SGTB: variants seen among roughly 807,000 people sequenced by gnomAD.
The protein encoded by SGTB is small glutamine rich tetratricopeptide repeat co-chaperone beta.
A neutral mutation model predicts 43.9 loss-of-function variants in SGTB; 19 were observed. The ratio of observed to expected loss-of-function variants is 0.43; its 90% CI spans 0.30 to 0.63. The LOEUF is 0.63. SGTB is among the 30% of genes least tolerant of loss of function. The pLI, the probability that SGTB is intolerant of heterozygous loss-of-function variation, is 0.12. For missense variants in SGTB, 304 were observed against 358.9 expected, an observed-to-expected ratio of 0.85 and a Z score of 1.24; for synonymous variants, 116 against 117.3, an observed-to-expected ratio of 0.99 and a Z score of 0.07.
chr5:65,689,831 G>A (rs1757571605), intron 5 of SGTB, among the ~76,000 whole-genome samples: 1 of 151,868 alleles, frequency 6.6e-6, no homozygotes, highest in Middle Eastern at 3.2e-3. Context: ...GCATGACTGA[G>A]GCCCTTACTT....
chr5:65,707,651 T>A (rs1757961231), intron 4 of SGTB, among the ~76,000 whole-genome samples: 1 of 152,076 alleles, frequency 6.6e-6, no homozygotes, highest in Admixed American at 6.6e-5. Context: ...GCCAGGATGG[T>A]CTTGATCTCC....
intron 9 of SGTB, 24 bp downstream of exon 9, chr5:65,672,220 A>G: frequency 1.2e-6 from 2 of 1,613,816 alleles, no homozygotes; most frequent in South Asian, 1.1e-5. Context: ...GGGGAAGTGT[A>G]ATAAGCTCTT....
chr5:65,683,547 C>CATTGTTT (rs2150707797), intron 6 of SGTB, among the ~76,000 whole-genome samples: 1 of 152,176 alleles, frequency 6.6e-6, no homozygotes, highest in Admixed American at 6.5e-5. Flanking sequence ...TAAAATACAG[C>CATTGTTT]ATTGTTTAGA....
intron 2 of SGTB, among the ~76,000 whole-genome samples, chr5:65,714,507 G>T (rs1053594370): frequency 7.9e-5 from 12 of 152,130 alleles, no homozygotes; most frequent in African/African-American, 2.2e-4. Context: ...CATGGTGAGG[G>T]ATTATGTTTG....
At chr5:65,687,829 C>T (rs989418634) in intron 5 of SGTB, among the ~76,000 whole-genome samples, 2 of 152,096 alleles carry the variant, frequency 1.3e-5, no homozygotes, top group African/African-American at 4.8e-5. Flanking sequence ...ACTGCAGTGG[C>T]GCGATCTCGG....
chr5:65,680,725 G>A lies in SGTB; in HGVS notation c.549C>T (p.Asp183=), dbSNP rs770081478. Residue 183 remains aspartate, a synonymous_variant, in exon 7 of 11, where the codon GAC becomes GAT. Transcript: ENST00000381007. The part of the protein sequence containing the change: ...VTSYQKALDL[D]PENDSYKSNL... Reference sequence around the variant, plus strand: ...TTGACTTATAGGAATCATTTTCAGGGTCAAGATCTAATGCCTTTTGATAAC... The same window carrying A: ...TTGACTTATAGGAATCATTTTCAGGATCAAGATCTAATGCCTTTTGATAAC... 3 of 1,614,002 alleles carry A rather than the reference G, an allele frequency of 1.9e-6. No individual in the cohort carries two copies. The highest frequency in any genetic ancestry group is 1.7e-6 in the Non-Finnish European group (2 of 1,179,968).
intron 3 of SGTB, among the ~76,000 whole-genome samples, chr5:65,712,677 C>T (rs1389472898): frequency 6.6e-6 from 1 of 151,300 alleles, no homozygotes; most frequent in East Asian, 1.9e-4. Flanking sequence ...AAATGACATT[C>T]AAGAAAAAAA....
At chr5:65,715,082 G>A (rs1758123931) in intron 2 of SGTB, among the ~76,000 whole-genome samples, 1 of 152,186 alleles carries the variant, frequency 6.6e-6, no homozygotes, top group Non-Finnish European at 1.5e-5. Flanking sequence ...ACTCAGGCCT[G>A]TCTCGTTATC....
upstream of SGTB, chr5:65,723,000 G>A (rs1350962678): frequency 1.3e-5 from 2 of 152,438 alleles, no homozygotes; most frequent in Non-Finnish European, 2.9e-5. Context: ...CTTGGACACG[G>A]CTTTGGGCAG....
rs540203555 is a variant in SGTB, at chr5:65,666,859, C to G, written c.*3387G>C. 6.6e-6 allele frequency: 1 copy of G among 152,246 alleles called. No homozygotes were observed. Among genetic ancestry groups the G allele is most frequent in the South Asian group, 2.1e-4 (1 of 4,822 alleles). The allele number at this position is 152,246 out of a possible 1,614,324, so 9.4% of individuals were successfully genotyped here. A position where few individuals can be genotyped will look rare whatever the true frequency, so the allele number is the denominator to read the frequency against. The stretch of plus-strand genomic sequence containing the variant: ...GCTAATTTAACTACAGATGTTAGCA[C>G]ATGAAGACATTGTTTTAAAGTTTTT... On this transcript the variant is annotated 3_prime_UTR_variant, in exon 11 of 11. Transcript: ENST00000381007.
chr5:65,704,433 A>C, intron 4 of SGTB, 55 bp from the exon 5 acceptor site: 1 of 1,247,076 alleles, frequency 8.0e-7, no homozygotes, highest in Non-Finnish European at 1.1e-6. Flanking sequence ...AAAAACATAC[A>C]CTCTTATAGA....
At chr5:65,708,758 G>A (rs1757984750) in intron 3 of SGTB, among the ~76,000 whole-genome samples, 200 bp from the exon 4 acceptor site, 2 of 149,814 alleles carry the variant, frequency 1.3e-5, no homozygotes, top group Admixed American at 6.7e-5. Flanking sequence ...ATGAATATCT[G>A]TGACTGGGCG....
intron 5 of SGTB, 71 bp from the exon 6 acceptor site, chr5:65,685,543 T>C: frequency 2.4e-6 from 3 of 1,232,934 alleles, no homozygotes; most frequent in Non-Finnish European, 3.5e-6. Flanking sequence ...CAGGTACTAA[T>C]AATACTACCT....
chr5:65,720,204 C>T (rs1197177309), intron 2 of SGTB, among the ~76,000 whole-genome samples: 1 of 151,712 alleles, frequency 6.6e-6, no homozygotes, highest in Non-Finnish European at 1.5e-5. Context: ...ATCTCAGCCT[C>T]CTGAGTAGCT....
rs1018308599 is a variant in SGTB, at chr5:65,669,254, T to C, written c.*992A>G. 3 of 152,242 alleles carry C rather than the reference T, an allele frequency of 2.0e-5. No homozygotes were observed. The highest frequency in any genetic ancestry group is 4.4e-5 in the Non-Finnish European group (3 of 68,030). The allele number at this position is 152,242 out of a possible 1,614,324, so 9.4% of individuals were successfully genotyped here. ...TGTTAGTGATAGATGCTTTTTGTTA[T>C]CCATCAAATAATTACTAAGTTTTCT... On this transcript the variant is annotated 3_prime_UTR_variant, in exon 11 of 11. Coordinates refer to ENST00000381007, the MANE Select transcript of SGTB (RefSeq NM_019072.3).
intron 8 of SGTB, among the ~76,000 whole-genome samples, 173 bp downstream of exon 8, chr5:65,680,321 C>A (rs1757370271): frequency 6.6e-6 from 1 of 152,144 alleles, no homozygotes; most frequent in Non-Finnish European, 1.5e-5. Flanking sequence ...CACATTTACC[C>A]CTGCACTTGA....
At chr5:65,684,424 T>C (rs1757457914) in intron 6 of SGTB, among the ~76,000 whole-genome samples, 1 of 152,080 alleles carries the variant, frequency 6.6e-6, no homozygotes, top group African/African-American at 2.4e-5. Flanking sequence ...TGCCAACCAT[T>C]ATCATCTATT....
At chr5:65,721,277 G>C (rs1022944325) in intron 1 of SGTB, among the ~76,000 whole-genome samples, 1 of 152,204 alleles carries the variant, frequency 6.6e-6, no homozygotes, top group Non-Finnish European at 1.5e-5. Flanking sequence ...CACTTTTGTA[G>C]GTTGAGAGTT....
chr5:65,678,364 A>G (rs1350825930), intron 8 of SGTB, among the ~76,000 whole-genome samples: 1 of 152,268 alleles, frequency 6.6e-6, no homozygotes, highest in Non-Finnish European at 1.5e-5. Flanking sequence ...AAACAAGTGG[A>G]AAAACACTCC....
Sources: gnomAD v4.1 joint callset for allele counts (sites outside exome capture counted in the v4.1 genomes callset) on GRCh38, gnomAD v4.1.1 for gene constraint, MANE v1.5 for transcripts, NCBI Gene and HGNC (gene_info 2026-07-23, HGNC 2026-07-21) for gene names.